Variants in GOLGA6L10 observed in about 807,000 individuals in gnomAD.
GOLGA6L10 encodes the protein golgin A6 family like 10.
Under a neutral mutation model 56.9 loss-of-function variants are expected in GOLGA6L10, and 4 were observed. The ratio of observed to expected loss-of-function variants is 0.07; its 90% CI spans 0.03 to 0.16. The LOEUF is 0.16. GOLGA6L10 is among the 10% of genes least tolerant of loss of function. The pLI, the probability that GOLGA6L10 is intolerant of heterozygous loss-of-function variation, is 1.00. For synonymous variants in GOLGA6L10, 11 were observed against 220.9 expected (o/e 0.05, Z 8.43); for missense variants, 34 against 558.3 (o/e 0.06, Z 9.46).
In GOLGA6L10 at chr15:82,340,516, T is replaced by A. The variant is rs1192354072; in HGVS notation, c.*2260A>T. On this transcript the variant is annotated 3_prime_UTR_variant, in exon 9 of 9. Transcript: ENST00000610657. ...TTGATTCTTTACTTCCTACAGAAAT[T>A]CAAATTTATTCAGTCAAACTCACAT... 2 of 151,156 alleles carry A rather than the reference T, an allele frequency of 1.3e-5. No individual in the cohort carries two copies. Among genetic ancestry groups the A allele is most frequent in the Non-Finnish European group, 3.0e-5 (2 of 67,726 alleles). 9.4% of individuals were successfully genotyped at this position (151,156 alleles called of 1,614,324 possible).
Position 82,340,220 on chromosome 15 carries a change from T to C in GOLGA6L10, c.*2556A>G, listed in dbSNP as rs1422968014. 1 of 151,634 alleles carries C rather than the reference T, an allele frequency of 6.6e-6. No individual in the cohort carries two copies. The highest frequency in any genetic ancestry group is 2.4e-5 in the African/African-American group (1 of 41,386). 9.4% of individuals were successfully genotyped at this position (151,634 alleles called of 1,614,324 possible). On this transcript the variant is annotated 3_prime_UTR_variant, in exon 9 of 9. Coordinates refer to ENST00000610657, the MANE Select transcript of GOLGA6L10 (RefSeq NM_001164465.3). ...CTACTTTTCCTTCCCCTAGATTCTTTGTTTTAAGCTACAGTATTCGTATTT... is the reference window on the plus strand; with the variant it reads ...CTACTTTTCCTTCCCCTAGATTCTTCGTTTTAAGCTACAGTATTCGTATTT...
Position 82,345,272 on chromosome 15 carries a change from T to TACA in GOLGA6L10, c.587_588insTGT (p.Arg196delinsSerVal), listed in dbSNP as rs1247060848. 6.3e-7 allele frequency: 1 copy of TACA among 1,588,790 alleles called. No homozygotes were observed. Among genetic ancestry groups the TACA allele is most frequent in the African/African-American group, 1.4e-5 (1 of 73,326 alleles). The stretch of plus-strand genomic sequence containing the variant: ...CCTGTTCACGTAGCCTCTCCTCCTG[T>TACA]CTCCTGTTCAGGAGACTCAACATCT... On this transcript the variant is annotated protein_altering_variant, in exon 6 of 9. Transcript: ENST00000610657.
rs2075643682 is a variant in GOLGA6L10 at position 82,342,136 on chromosome 15, A to AG, written c.*639dup. ...ACTCCCATCCCCAATACACAGAAAA[A>AG]GGGGGAAAGGCTGTTTCCAGTGCTC... is the stretch of plus-strand genomic sequence containing the variant. On this transcript the variant is annotated 3_prime_UTR_variant, in exon 9 of 9. Coordinates refer to ENST00000610657, the MANE Select transcript of GOLGA6L10 (RefSeq NM_001164465.3). 1 of 158,586 alleles carries AG rather than the reference A, an allele frequency of 6.3e-6. No homozygotes were observed. Among genetic ancestry groups the AG allele is most frequent in the African/African-American group, 2.5e-5 (1 of 40,490 alleles). The allele number at this position is 158,586 out of a possible 1,614,324, so 9.8% of individuals were successfully genotyped here.
intron 1 of GOLGA6L10, among the ~76,000 whole-genome samples, chr15:82,347,895 TCCAGGGACCAAAA>T (rs2075697274): frequency 6.6e-6 from 1 of 152,264 alleles, no homozygotes; most frequent in African/African-American, 2.4e-5. Context: ...ATCAGCAGCT[TCCAGGGACCAAAA>T]CCAGGGGCAG....
In GOLGA6L10 at chr15:82,348,297, A is replaced by T. The variant is rs2075700186; in HGVS notation, c.85-668T>A. On this transcript the variant is annotated intron_variant, in intron 1 of 8. Transcript: ENST00000610657. ...GAGGAAGATTCAAGCTGTCAAGTTC[A>T]GTTTCCCAAGATCTATTCCACAGAA... is the stretch of plus-strand genomic sequence containing the variant. Among the ~76,000 whole-genome samples the T allele has an allele frequency of 3.4e-5, 5 of 147,940 alleles. No homozygotes were observed. The East Asian group carries it at 9.7e-4, about 29-fold the overall frequency.
chr15:82,340,434 G>T lies in GOLGA6L10; in HGVS notation c.*2342C>A, dbSNP rs2075636418. ...TTTTCATTTCAGGAAAACCTATCAG[G>T]TTTAATCTATTACTTTAAAAATAAT... On this transcript the variant is annotated 3_prime_UTR_variant, in exon 9 of 9. Coordinates refer to ENST00000610657, the MANE Select transcript of GOLGA6L10 (RefSeq NM_001164465.3). 6.6e-6 allele frequency: 1 copy of T among 151,418 alleles called. No individual in the cohort carries two copies. Among genetic ancestry groups the T allele is most frequent in the Non-Finnish European group, 1.5e-5 (1 of 67,802 alleles). 9.4% of individuals were successfully genotyped at this position (151,418 alleles called of 1,614,324 possible).
In GOLGA6L10 at chr15:82,340,005, A is replaced by G. The variant is rs1233123826; in HGVS notation, c.*2771T>C. ...AAGACACACAAAATTTTTAGGCAAA[A>G]CAGCACCTTGAAACAATCTAATAAT... On this transcript the variant is annotated 3_prime_UTR_variant, in exon 9 of 9. Coordinates refer to ENST00000610657, the MANE Select transcript of GOLGA6L10 (RefSeq NM_001164465.3). 1 of 150,722 alleles carries G rather than the reference A, an allele frequency of 6.6e-6. No homozygotes were observed. The highest frequency in any genetic ancestry group is 2.4e-5 in the African/African-American group (1 of 41,390). The allele number at this position is 150,722 out of a possible 1,614,324, so 9.3% of individuals were successfully genotyped here. A position where few individuals can be genotyped will look rare whatever the true frequency, so the allele number is the denominator to read the frequency against.
At position 82,347,591 on chromosome 15, in the gene GOLGA6L10, T is replaced by C. The variant is rs1300117381; in HGVS notation, c.123A>G (p.Pro41=). The change falls in exon 2 of 9, where the codon CCA becomes CCG. Residue 41 remains proline (P), a synonymous_variant. Transcript: ENST00000610657. ...CTTTCTTTTTCCTGTTAGCTCCTGC[T>C]GGAATGCCAGGGCTCTTCCTCTGCC... The part of the protein sequence containing the change: ...AYWQRKSPGI[P]AGANRKKKVN... 1 of 1,609,182 alleles carries C rather than the reference T, an allele frequency of 6.2e-7. No individual in the cohort carries two copies. The highest frequency in any genetic ancestry group is 1.3e-5 in the African/African-American group (1 of 74,898).
chr15:82,348,244 C>T (rs1195620201), intron 1 of GOLGA6L10, among the ~76,000 whole-genome samples: 1 of 151,410 alleles, frequency 6.6e-6, no homozygotes, highest in Admixed American at 6.6e-5. Context: ...TCCTGTGGCA[C>T]TCAAAGTACC....
chr15:82,344,057 C>T (rs2075659176), intron 7 of GOLGA6L10, among the ~76,000 whole-genome samples: 2 of 150,446 alleles, frequency 1.3e-5, no homozygotes, highest in Non-Finnish European at 2.9e-5. Context: ...ATGTCCAGAC[C>T]TGGGAGGGCC....
At chr15:82,347,799 G>GAAA (rs781678678) in intron 1 of GOLGA6L10, among the ~76,000 whole-genome samples, 170 bp from the exon 2 acceptor site, 4 of 148,370 alleles carry the variant, frequency 2.7e-5, no homozygotes, top group African/African-American at 7.5e-5. Context: ...ATCATGGATA[G>GAAA]AAAAAAAAAA....
Position 82,347,062 on chromosome 15 carries a change from C to T in GOLGA6L10, c.205-176G>A. On this transcript the variant is annotated intron_variant, in intron 2 of 8. Coordinates refer to ENST00000610657, the MANE Select transcript of GOLGA6L10 (RefSeq NM_001164465.3). ...CTCGTGGTTCTTATCTCCCCACCAT[C>T]CCACCCTGGGGCCCTTTCAGTGACT... 2.0e-5 allele frequency among the ~76,000 whole-genome samples: 3 copies of T among 151,036 alleles called. No homozygotes were observed. In the South Asian group the frequency reaches 6.2e-4, roughly 31 times the overall value.
At chr15:82,343,360 C>T in intron 7 of GOLGA6L10, 140 bp from the exon 8 acceptor site, 1 of 1,100,130 alleles carries the variant, frequency 9.1e-7, no homozygotes, top group South Asian at 1.4e-5. Flanking sequence ...AAGAGACTGT[C>T]TCCCTTGCCT....
Position 82,342,209 on chromosome 15 carries a change from A to C in GOLGA6L10, c.*567T>G, listed in dbSNP as rs1274881410. ...TCAGTACTCACAGTGGCATATTACA[A>C]AGTAATAGACCGCGCACTTGAGGGC... On this transcript the variant is annotated 3_prime_UTR_variant, in exon 9 of 9. Transcript: ENST00000610657. 1 of 177,522 alleles carries C rather than the reference A, an allele frequency of 5.6e-6. No individual in the cohort carries two copies. The highest frequency in any genetic ancestry group is 1.2e-5 in the Non-Finnish European group (1 of 84,060). The allele number at this position is 177,522 out of a possible 1,614,324, so 11.0% of individuals were successfully genotyped here.
At chr15:82,347,153 A>T in intron 2 of GOLGA6L10, 1 of 1,421,270 alleles carries the variant, frequency 7.0e-7, no homozygotes, top group Non-Finnish European at 9.1e-7. Context: ...GAGACTGGGG[A>T]TGAGGAAAAT....
chr15:82,340,315 C>T lies in GOLGA6L10; in HGVS notation c.*2461G>A, dbSNP rs2075635688. ...TTTTTGAATAGTTATTTGAAAGTGACTGTAAGATAAAGTTTTAGAGAATCT... is the reference window on the plus strand; with the variant it reads ...TTTTTGAATAGTTATTTGAAAGTGATTGTAAGATAAAGTTTTAGAGAATCT... On this transcript the variant is annotated 3_prime_UTR_variant, in exon 9 of 9. Coordinates refer to ENST00000610657, the MANE Select transcript of GOLGA6L10 (RefSeq NM_001164465.3). 1 of 151,248 alleles carries T rather than the reference C, an allele frequency of 6.6e-6. No individual in the cohort carries two copies. Among genetic ancestry groups the T allele is most frequent in the Non-Finnish European group, 1.5e-5 (1 of 67,782 alleles). 9.4% of individuals were successfully genotyped at this position (151,248 alleles called of 1,614,324 possible).
Position 82,344,821 on chromosome 15 carries a change from C to T in GOLGA6L10, c.1039G>A (p.Glu347Lys), listed in dbSNP as rs1213540546. 9 of 1,534,128 alleles carry T rather than the reference C, an allele frequency of 5.9e-6. No homozygotes were observed. The highest frequency in any genetic ancestry group is 2.6e-6 in the Non-Finnish European group (3 of 1,146,490). ...CTCTCCAGCAGCCTCTCCTGCTCCT[C>T]CTGCCGCCTCTCCTGTTCTAACAGC... The part of the protein sequence containing the change: ...EKLLEQERRQ[E>K]EQERLLERER... The change falls in exon 6 of 9, where the codon GAG becomes AAG. Residue 347 changes from glutamate to lysine, a missense_variant. Coordinates refer to ENST00000610657, the MANE Select transcript of GOLGA6L10 (RefSeq NM_001164465.3).
rs1310941942 is a variant in GOLGA6L10, at chr15:82,342,455, T to G, written c.*321A>C. On this transcript the variant is annotated 3_prime_UTR_variant, in exon 9 of 9. Transcript: ENST00000610657. ...CCACCACATAAGGGCAAACTCGATA[T>G]GCATGCTAACGTCCTATAATTATCA... 1 of 461,348 alleles carries G rather than the reference T, an allele frequency of 2.2e-6. No homozygotes were observed. The highest frequency in any genetic ancestry group is 4.6e-5 in the East Asian group (1 of 21,694). 28.6% of individuals were successfully genotyped at this position (461,348 alleles called of 1,614,324 possible).
At chr15:82,348,191 G>C (rs879831999) in intron 1 of GOLGA6L10, among the ~76,000 whole-genome samples, 392 of 151,060 alleles carry the variant, frequency 2.6e-3, no homozygotes, top group Non-Finnish European at 3.0e-3. Context: ...TTTCTCAAGA[G>C]AATCAAGGGA....
Sources: allele counts gnomAD v4.1 joint callset (sites outside exome capture counted in the v4.1 genomes callset), GRCh38; gene constraint gnomAD v4.1.1; transcripts MANE v1.5; gene names NCBI Gene and HGNC (gene_info 2026-07-23, HGNC 2026-07-21).